The following MARCKS variants were observed in gnomAD, a reference collection of about 807,000 sequenced individuals.
The protein encoded by MARCKS is myristoylated alanine-rich C-kinase substrate.
A neutral mutation model predicts 6.3 loss-of-function variants in MARCKS; 4 were observed. The observed-to-expected ratio is 0.63, with a 90% CI of 0.31 to 1.45. The LOEUF (loss-of-function observed/expected upper bound fraction) is 1.45, where lower values mean the gene tolerates loss of function less well. Ranked by LOEUF, MARCKS falls within the 40% of genes most tolerant of loss-of-function variation. The probability of loss-of-function intolerance (pLI) is 0.07; values close to 1 mark genes in which losing one functional copy is unlikely to be tolerated. For missense variants in MARCKS, 636 were observed against 485.7 expected (o/e 1.31, Z -2.91); for synonymous variants, 289 against 236.5 (o/e 1.22, Z -2.04).
At position 113,860,742 on chromosome 6, in the gene MARCKS, T is replaced by G; in HGVS notation, c.*163T>G. The G allele has an allele frequency of 2.4e-6, 1 of 422,706 alleles. No homozygotes were observed. Among genetic ancestry groups the G allele is most frequent in the South Asian group, 4.5e-5 (1 of 22,014 alleles). The allele number at this position is 422,706 out of a possible 1,614,324, so 26.2% of individuals were successfully genotyped here. On this transcript the variant is annotated 3_prime_UTR_variant, in exon 2 of 2. Transcript: ENST00000612661. ...TTTTAAGCACCAAATTTTGTTGTTT[T>G]TTTTTTTTCTCCCCTCCCCACAGAT...
Position 113,859,737 on chromosome 6 carries a change from G to C in MARCKS, c.157G>C (p.Gly53Arg), listed in dbSNP as rs920289953. The C allele has an allele frequency of 6.7e-7, 1 of 1,500,068 alleles. No homozygotes were observed. The highest frequency in any genetic ancestry group is 8.9e-7 in the Non-Finnish European group (1 of 1,125,598). The allele number at this position is 1,500,068 out of a possible 1,614,324, so 92.9% of individuals were successfully genotyped here. ...GDASPAAAES[G>R]AKEELQANGS... ...CGCTTCGCCCGCGGCCGCCGAGTCG[G>C]GCGCCAAGGAGGAGCTGCAGGCCAA... is the stretch of plus-strand genomic sequence containing the variant. The change falls in exon 2 of 2, where the codon GGC (glycine) becomes CGC (arginine). Residue 53 changes from glycine to arginine, a missense_variant. Physicochemically the swap from Gly to Arg is moderately radical, Grantham distance 125. Coordinates refer to ENST00000612661, the MANE Select transcript of MARCKS (RefSeq NM_002356.7).
rs555054844 is a variant in MARCKS at position 113,859,413 on chromosome 6, G to C, written c.103-270G>C. ...CTACGTTTCGGACTTCGTCTTTAGG[G>C]CACTTGCTGAATGGCTGGGAGGCCA... On this transcript the variant is annotated intron_variant, in intron 1 of 1. Coordinates refer to ENST00000612661, the MANE Select transcript of MARCKS (RefSeq NM_002356.7). Among the ~76,000 whole-genome samples, 502 of 152,280 alleles carry C rather than the reference G, an allele frequency of 3.3e-3. 4 individuals are homozygous for C. Among genetic ancestry groups the C allele is most frequent in the Non-Finnish European group, 5.7e-3 (386 of 68,016 alleles).
Position 113,860,264 on chromosome 6 carries a change from G to T in MARCKS, c.684G>T (p.Gly228=), listed in dbSNP as rs1214533808. 1.7e-6 allele frequency: 2 copies of T among 1,173,526 alleles called. No homozygotes were observed. Among genetic ancestry groups the T allele is most frequent in the East Asian group, 6.7e-5 (1 of 14,976 alleles). The allele number at this position is 1,173,526 out of a possible 1,614,324, so 72.7% of individuals were successfully genotyped here. Residue 228 remains glycine (G), a synonymous_variant, in exon 2 of 2, where the codon GGG becomes GGT. Transcript: ENST00000612661. The stretch of plus-strand genomic sequence containing the variant: ...AGGAGGCGGCAGCGGGCGAGGAGGG[G>T]GCGGCGGGTGGCGACCCGCAGGAGG... The part of the protein sequence containing the change: ...PGEEAAAGEE[G]AAGGDPQEAK...
At position 113,857,833 on chromosome 6, in the gene MARCKS, A is replaced by G; in HGVS notation, c.88A>G (p.Lys30Glu). ...GEAAVASSPS[K>E]ANGQENGHVK... is the part of the protein sequence containing the mutation. ...GGCGGCTGTGGCCTCGTCGCCTTCC[A>G]AAGCGAACGGACAGGTAAATTCTAC... The change falls in exon 1 of 2, where the codon AAA becomes GAA. Residue 30 changes from lysine to glutamate, a missense_variant. Coordinates refer to ENST00000612661, the MANE Select transcript of MARCKS (RefSeq NM_002356.7). 3 of 1,602,270 alleles carry G rather than the reference A, an allele frequency of 1.9e-6. No individual in the cohort carries two copies. The highest frequency in any genetic ancestry group is 2.6e-6 in the Non-Finnish European group (3 of 1,174,752).
Position 113,857,711 on chromosome 6 carries a change from T to G in MARCKS, c.-35T>G. 1 of 1,498,582 alleles carries G rather than the reference T, an allele frequency of 6.7e-7. No homozygotes were observed. The allele number at this position is 1,498,582 out of a possible 1,614,324, so 92.8% of individuals were successfully genotyped here. A position where few individuals can be genotyped will look rare whatever the true frequency, so the allele number is the denominator to read the frequency against. On this transcript the variant is annotated 5_prime_UTR_variant, in exon 1 of 2. Coordinates refer to ENST00000612661, the MANE Select transcript of MARCKS (RefSeq NM_002356.7). The stretch of plus-strand genomic sequence containing the variant: ...ACCCGAGGCTCTTTGTTTCCCCTCT[T>G]GGATCTGTTGAGTTTCTTTGTTGAA...
rs1440966106 is a variant in MARCKS, at chr6:113,857,461, A to G, written c.-285A>G. ...TTTTTATTACTTCTTTTTTTTTCGA[A>G]CTACACTTGGGCTCCTTTTTTTGTG... On this transcript the variant is annotated 5_prime_UTR_variant, in exon 1 of 2. Coordinates refer to ENST00000612661, the MANE Select transcript of MARCKS (RefSeq NM_002356.7). The G allele has an allele frequency of 1.0e-5, 4 of 385,608 alleles. No homozygotes were observed. Among genetic ancestry groups the G allele is most frequent in the South Asian group, 8.8e-5 (3 of 34,036 alleles). The allele number at this position is 385,608 out of a possible 1,614,324, so 23.9% of individuals were successfully genotyped here.
Position 113,862,990 on chromosome 6 carries a change from A to G in MARCKS, c.*2411A>G, listed in dbSNP as rs963849708. On this transcript the variant is annotated 3_prime_UTR_variant, in exon 2 of 2. Coordinates refer to ENST00000612661, the MANE Select transcript of MARCKS (RefSeq NM_002356.7). ...TAGATGGCCAAGTACAGTGCCTGGTATGTAGTAAGACTCAGTAAAAAAGTG... is the reference window on the plus strand; with the variant it reads ...TAGATGGCCAAGTACAGTGCCTGGTGTGTAGTAAGACTCAGTAAAAAAGTG... The G allele has an allele frequency of 1.3e-5, 2 of 152,232 alleles. No homozygotes were observed. The highest frequency in any genetic ancestry group is 4.8e-5 in the African/African-American group (2 of 41,472). 9.4% of individuals were successfully genotyped at this position (152,232 alleles called of 1,614,324 possible).
chr6:113,859,913 C>A lies in MARCKS; in HGVS notation c.333C>A (p.Gly111=). Reference sequence around the variant, plus strand: ...TAGAGAAGGAGGCCCCCGCGGAAGGCGAGGCTGCCGAGCCCGGCTCGCCCA... The same window carrying A: ...TAGAGAAGGAGGCCCCCGCGGAAGGAGAGGCTGCCGAGCCCGGCTCGCCCA... ...SPVEKEAPAE[G]EAAEPGSPTA... The change falls in exon 2 of 2, where the codon GGC becomes GGA. Residue 111 remains glycine (G), a synonymous_variant. Coordinates refer to ENST00000612661, the MANE Select transcript of MARCKS (RefSeq NM_002356.7). 1 of 1,453,778 alleles carries A rather than the reference C, an allele frequency of 6.9e-7. No individual in the cohort carries two copies. The highest frequency in any genetic ancestry group is 9.0e-7 in the Non-Finnish European group (1 of 1,106,706). 90.1% of individuals were successfully genotyped at this position (1,453,778 alleles called of 1,614,324 possible). A position where few individuals can be genotyped will look rare whatever the true frequency, so the allele number is the denominator to read the frequency against.
rs2114519234 is a variant in MARCKS at position 113,857,663 on chromosome 6, C to T, written c.-83C>T. ...GCTGTTGCCGCCGCCGCTGCTGCTG[C>T]TGCTCGCCCCGTCGTTACACCAACC... On this transcript the variant is annotated 5_prime_UTR_variant, in exon 1 of 2. Transcript: ENST00000612661. 2.4e-6 allele frequency: 2 copies of T among 830,594 alleles called. No homozygotes were observed. Among genetic ancestry groups the T allele is most frequent in the East Asian group, 1.4e-4 (2 of 14,292 alleles). 51.5% of individuals were successfully genotyped at this position (830,594 alleles called of 1,614,324 possible).
chr6:113,863,003 CAG>C lies in MARCKS; in HGVS notation c.*2425_*2426del, dbSNP rs1774926747. 1 of 152,044 alleles carries C rather than the reference CAG, an allele frequency of 6.6e-6. No homozygotes were observed. The highest frequency in any genetic ancestry group is 2.4e-5 in the African/African-American group (1 of 41,382). 9.4% of individuals were successfully genotyped at this position (152,044 alleles called of 1,614,324 possible). On this transcript the variant is annotated 3_prime_UTR_variant, in exon 2 of 2. Coordinates refer to ENST00000612661, the MANE Select transcript of MARCKS (RefSeq NM_002356.7). The stretch of plus-strand genomic sequence containing the variant: ...ACAGTGCCTGGTATGTAGTAAGACT[CAG>C]TAAAAAAGTGGATTTTTAAAAATAA...
At position 113,860,024 on chromosome 6, in the gene MARCKS, C is replaced by A; in HGVS notation, c.444C>A (p.Asn148Lys). ...AEDGATPSPS[N>K]ETPKKKKKRF... ...ACGGGGCCACGCCCTCGCCCAGCAA[C>A]GAGACCCCGAAAAAAAAAAAGAAGC... is the stretch of plus-strand genomic sequence containing the variant. The change falls in exon 2 of 2, where the codon AAC (asparagine) becomes AAA (lysine). Residue 148 changes from asparagine (N) to lysine (K), a missense_variant. Transcript: ENST00000612661. 1 of 1,568,548 alleles carries A rather than the reference C, an allele frequency of 6.4e-7. No homozygotes were observed. The highest frequency in any genetic ancestry group is 8.6e-7 in the Non-Finnish European group (1 of 1,161,648).
rs1418959719 is a variant in MARCKS at position 113,861,963 on chromosome 6, G to A, written c.*1384G>A. On this transcript the variant is annotated 3_prime_UTR_variant, in exon 2 of 2. Coordinates refer to ENST00000612661, the MANE Select transcript of MARCKS (RefSeq NM_002356.7). Reference sequence around the variant, plus strand: ...TTCATAATCCGCAGTGTCAGATTACGTAGAGGAAGATCTTACAACATTTCC... The same window carrying A: ...TTCATAATCCGCAGTGTCAGATTACATAGAGGAAGATCTTACAACATTTCC... 5.6e-5 allele frequency: 6 copies of A among 107,974 alleles called. No individual in the cohort carries two copies. The Admixed American group carries it at 6.4e-4, about 12-fold the overall frequency. The allele number at this position is 107,974 out of a possible 1,614,324, so 6.7% of individuals were successfully genotyped here. A position where few individuals can be genotyped will look rare whatever the true frequency, so the allele number is the denominator to read the frequency against.
Position 113,861,653 on chromosome 6 carries a change from T to C in MARCKS, c.*1074T>C, listed in dbSNP as rs1472929401. On this transcript the variant is annotated 3_prime_UTR_variant, in exon 2 of 2. Coordinates refer to ENST00000612661, the MANE Select transcript of MARCKS (RefSeq NM_002356.7). ...GTTTTGTGTAGCATCTTGTCTATCA[T>C]GTTTTGTAAATACTGGAGAAGCTTT... The C allele has an allele frequency of 1.3e-5, 2 of 152,658 alleles. No homozygotes were observed. The highest frequency in any genetic ancestry group is 2.9e-5 in the Non-Finnish European group (2 of 68,020). 9.5% of individuals were successfully genotyped at this position (152,658 alleles called of 1,614,324 possible). A position where few individuals can be genotyped will look rare whatever the true frequency, so the allele number is the denominator to read the frequency against.
At chr6:113,859,341 C>A (rs900060339) in intron 1 of MARCKS, among the ~76,000 whole-genome samples, 2 of 152,210 alleles carry the variant, frequency 1.3e-5, no homozygotes, top group African/African-American at 4.8e-5. Context: ...CCTTTTTTCC[C>A]CCAAGCCCCC....
chr6:113,858,594 G>T (rs916583156), intron 1 of MARCKS, among the ~76,000 whole-genome samples: 6 of 152,232 alleles, frequency 3.9e-5, no homozygotes, highest in African/African-American at 1.2e-4. Context: ...GTTCTTGTGC[G>T]TGGCGCCTCG....
chr6:113,859,786 A>G lies in MARCKS; in HGVS notation c.206A>G (p.Lys69Arg). 3 of 1,413,450 alleles carry G rather than the reference A, an allele frequency of 2.1e-6. No individual in the cohort carries two copies. Among genetic ancestry groups the G allele is most frequent in the Non-Finnish European group, 2.8e-6 (3 of 1,087,030 alleles). The allele number at this position is 1,413,450 out of a possible 1,614,324, so 87.6% of individuals were successfully genotyped here. A position where few individuals can be genotyped will look rare whatever the true frequency, so the allele number is the denominator to read the frequency against. The change falls in exon 2 of 2, where the codon AAG becomes AGG. Residue 69 changes from lysine (K) to arginine (R), a missense_variant. Physicochemically the swap from Lys to Arg is conservative, Grantham distance 26 (BLOSUM62 2). Coordinates refer to ENST00000612661, the MANE Select transcript of MARCKS (RefSeq NM_002356.7). ...QANGSAPAAD[K>R]EEPAAAGSGA... is the part of the protein sequence containing the mutation. ...AACGGCAGCGCCCCGGCCGCCGACA[A>G]GGAGGAGCCCGCGGCCGCCGGGAGC...
Position 113,860,490 on chromosome 6 carries a change from G to C in MARCKS, c.910G>C (p.Ala304Pro). 1.3e-6 allele frequency: 2 copies of C among 1,497,974 alleles called. No homozygotes were observed. The highest frequency in any genetic ancestry group is 2.8e-5 in the East Asian group (1 of 36,096). The allele number at this position is 1,497,974 out of a possible 1,614,324, so 92.8% of individuals were successfully genotyped here. The change falls in exon 2 of 2, where the codon GCC (alanine) becomes CCC (proline). Residue 304 changes from alanine to proline, a missense_variant. Physicochemically the swap from Ala to Pro is conservative, Grantham distance 27. Coordinates refer to ENST00000612661, the MANE Select transcript of MARCKS (RefSeq NM_002356.7). ...EAAPAEEPAA[A>P]AASSACAAPS... is the part of the protein sequence containing the mutation. Reference sequence around the variant, plus strand: ...AGCCCCCGCGGAGGAGCCCGCGGCCGCCGCAGCCTCGTCAGCCTGCGCAGC... The same window carrying C: ...AGCCCCCGCGGAGGAGCCCGCGGCCCCCGCAGCCTCGTCAGCCTGCGCAGC...
At chr6:113,859,589 A>C in intron 1 of MARCKS, 94 bp from the exon 2 acceptor site, 3 of 1,142,392 alleles carry the variant, frequency 2.6e-6, no homozygotes, top group Non-Finnish European at 3.4e-6. Context: ...CAGGGGCCTT[A>C]GGGGGAAGCG....
chr6:113,859,893 A>G lies in MARCKS; in HGVS notation c.313A>G (p.Lys105Glu). 1.4e-6 allele frequency: 2 copies of G among 1,438,920 alleles called. No individual in the cohort carries two copies. The highest frequency in any genetic ancestry group is 1.5e-5 in the African/African-American group (1 of 66,258). The allele number at this position is 1,438,920 out of a possible 1,614,324, so 89.1% of individuals were successfully genotyped here. A position where few individuals can be genotyped will look rare whatever the true frequency, so the allele number is the denominator to read the frequency against. ...CGAGGCCGGGGCCAGCCCGGTAGAG[A>G]AGGAGGCCCCCGCGGAAGGCGAGGC... is the stretch of plus-strand genomic sequence containing the variant. ...APEAGASPVE[K>E]EAPAEGEAAE... Residue 105 changes from lysine to glutamate, a missense_variant, in exon 2 of 2, where the codon AAG (lysine) becomes GAG (glutamate). Lys to Glu is a moderately conservative substitution (Grantham distance 56). Coordinates refer to ENST00000612661, the MANE Select transcript of MARCKS (RefSeq NM_002356.7).
Sources: allele counts gnomAD v4.1 joint callset (sites outside exome capture counted in the v4.1 genomes callset), GRCh38; gene constraint gnomAD v4.1.1; transcripts MANE v1.5; gene names NCBI Gene and HGNC (gene_info 2026-07-23, HGNC 2026-07-21).